GLE1: variants seen among roughly 807,000 people sequenced by gnomAD.
The protein encoded by GLE1 is GLE1 RNA export mediator.
In GLE1, 78 loss-of-function variants were observed where a neutral mutation model predicts 97.3. The observed-to-expected ratio is 0.80, with a 90% CI of 0.67 to 0.97. GLE1 has a LOEUF of 0.97. Among genes scored for constraint, GLE1 ranks in the 50% least tolerant of loss-of-function variants. The probability of loss-of-function intolerance (pLI) is 0.00; values close to 1 mark genes in which losing one functional copy is unlikely to be tolerated. For missense variants in GLE1, 753 were observed against 857.5 expected (o/e 0.88, Z 1.52); for synonymous variants, 302 against 313.4 (o/e 0.96, Z 0.39).
At position 128,529,709 on chromosome 9, in the gene GLE1, C is replaced by CCTCT. The variant is rs538002331; in HGVS notation, c.1312+2194_1312+2197dup. ...TTTCCTCTCTCTCTCTCCCTCTCTC[C>CCTCT]CTCTCTCTCTCTCCCCTTTGTGGGT... is the stretch of plus-strand genomic sequence containing the variant. On this transcript the variant is annotated intron_variant, in intron 9 of 15. Transcript: ENST00000309971. Among the ~76,000 whole-genome samples, 1,337 of 151,144 alleles carry CCTCT rather than the reference C, an allele frequency of 8.8e-3. 14 individuals carry two copies. The highest frequency in any genetic ancestry group is 0.038 in the South Asian group (183 of 4,766).
Position 128,515,590 on chromosome 9 carries a change from T to C in GLE1, c.383T>C (p.Val128Ala). ...CTTCAGTCCTCACGGGGGATCAAAG[T>C]GGAAGGCTGCGTCCGAATGTACGAA... ...MVLQSSRGIK[V>A]EGCVRMYELV... The change falls in exon 3 of 16, where the codon GTG becomes GCG. Residue 128 changes from valine (V) to alanine (A), a missense_variant. Transcript: ENST00000309971. 2 of 1,609,600 alleles carry C rather than the reference T, an allele frequency of 1.2e-6. No homozygotes were observed. Among genetic ancestry groups the C allele is most frequent in the Non-Finnish European group, 1.7e-6 (2 of 1,175,874 alleles).
intron 13 of GLE1, among the ~76,000 whole-genome samples, chr9:128,538,898 A>C (rs1389281289): frequency 6.6e-6 from 1 of 152,188 alleles, no homozygotes; most frequent in African/African-American, 2.4e-5. Flanking sequence ...CTTGGGGTAC[A>C]TGCCATAACA....
rs1362418042 is a variant in GLE1 at position 128,525,304 on chromosome 9, G to T, written c.1010G>T (p.Arg337Met). Reference sequence around the variant, plus strand: ...ATCACCAGAGCCTGCGAAGACAAGAGGAGGCAGGATGAAGAAGAGGCCCAG... The same window carrying T: ...ATCACCAGAGCCTGCGAAGACAAGATGAGGCAGGATGAAGAAGAGGCCCAG... The part of the protein sequence containing the change: ...QEITRACEDK[R>M]RQDEEEAQVK... Residue 337 changes from arginine to methionine, a missense_variant, in exon 7 of 16, where the codon AGG (arginine) becomes ATG (methionine). Transcript: ENST00000309971. 4 of 1,614,098 alleles carry T rather than the reference G, an allele frequency of 2.5e-6. No individual in the cohort carries two copies. In the South Asian group the frequency reaches 4.4e-5, roughly 18 times the overall value.
intron 9 of GLE1, among the ~76,000 whole-genome samples, chr9:128,529,642 GC>G (rs1343230891): frequency 6.6e-6 from 1 of 151,872 alleles, no homozygotes; most frequent in Non-Finnish European, 1.5e-5. Flanking sequence ...CCTCCATGGT[GC>G]CATTACTTTC....
At chr9:128,514,552 C>T (rs1354133943) in intron 2 of GLE1, among the ~76,000 whole-genome samples, 1 of 151,418 alleles carries the variant, frequency 6.6e-6, no homozygotes, top group Non-Finnish European at 1.5e-5. Flanking sequence ...ACGCCATTCT[C>T]CCGCCTCAGC....
At chr9:128,530,506 CTT>C (rs1224795610) in intron 9 of GLE1, among the ~76,000 whole-genome samples, 2 of 152,182 alleles carry the variant, frequency 1.3e-5, no homozygotes, top group African/African-American at 4.8e-5. Context: ...TCCATCAAGA[CTT>C]TAAGTCCTTT....
In GLE1 at chr9:128,512,895, C is replaced by A. The variant is rs948874082; in HGVS notation, c.322-2634C>A. Among the ~76,000 whole-genome samples the A allele has an allele frequency of 2.6e-5, 4 of 152,222 alleles. No homozygotes were observed. In the South Asian group the frequency reaches 6.2e-4, roughly 24 times the overall value. On this transcript the variant is annotated intron_variant, in intron 2 of 15. Transcript: ENST00000309971. Reference sequence around the variant, plus strand: ...GCTAGGTGACCTCAGGTGATCCACCCGCCTTGGCCTCCCAACATGCTGGGA... The same window carrying A: ...GCTAGGTGACCTCAGGTGATCCACCAGCCTTGGCCTCCCAACATGCTGGGA...
intron 12 of GLE1, among the ~76,000 whole-genome samples, chr9:128,537,699 A>T (rs1847760065): frequency 6.6e-6 from 1 of 152,148 alleles, no homozygotes; most frequent in Non-Finnish European, 1.5e-5. Flanking sequence ...AGTCCCAGCT[A>T]CTTGGGAGAC....
At position 128,527,275 on chromosome 9, in the gene GLE1, A is replaced by C; in HGVS notation, c.1226A>C (p.Asn409Thr). 1 of 1,590,314 alleles carries C rather than the reference A, an allele frequency of 6.3e-7. No homozygotes were observed. The highest frequency in any genetic ancestry group is 8.6e-7 in the Non-Finnish European group (1 of 1,158,238). The change falls in exon 8 of 16, where the codon AAC becomes ACC. Residue 409 changes from asparagine (N) to threonine (T), a missense_variant. Transcript: ENST00000309971. ...QCVLTFEGLTNSKDSQAKKIK... is the reference protein window; with the variant it reads ...QCVLTFEGLTTSKDSQAKKIK... The stretch of plus-strand genomic sequence containing the variant: ...GTGTTGACCTTTGAGGGCCTGACCA[A>C]CAGCAAGGACAGTCAGGTAGGGGAG...
Position 128,527,355 on chromosome 9 carries a change from G to C in GLE1, c.1242+64G>C, listed in dbSNP as rs1415429807. 9.4e-6 allele frequency: 12 copies of C among 1,270,874 alleles called. No individual in the cohort carries two copies. The Admixed American group carries it at 1.9e-4, about 20-fold the overall frequency. 78.7% of individuals were successfully genotyped at this position (1,270,874 alleles called of 1,614,324 possible). A position where few individuals can be genotyped will look rare whatever the true frequency, so the allele number is the denominator to read the frequency against. ...ATGGTTCTCAGAGAATGATCACTTC[G>C]TGTCCCAAAGGAATGTAGCTGGCAT... On this transcript the variant is annotated intron_variant, in intron 8 of 15. Coordinates refer to ENST00000309971, the MANE Select transcript of GLE1 (RefSeq NM_001003722.2).
chr9:128,533,585 GCT>G lies in GLE1; in HGVS notation c.1388_1389del (p.Ser463CysfsTer6), dbSNP rs1847595077. ...GGAAAACCTGTTCAATCTGGTGGGCGCTCTGTGTCTGTCACACTTAACCCACA... is the reference window on the plus strand; with the variant it reads ...GGAAAACCTGTTCAATCTGGTGGGCGCTGTGTCTGTCACACTTAACCCACA... On this transcript the variant is annotated frameshift_variant, in exon 10 of 16. Transcript: ENST00000309971. LOFTEE classifies it high-confidence loss of function. The G allele has an allele frequency of 1.2e-6, 2 of 1,613,360 alleles. No homozygotes were observed. Among genetic ancestry groups the G allele is most frequent in the South Asian group, 1.1e-5 (1 of 91,074 alleles).
chr9:128,541,134 C>T lies in GLE1; in HGVS notation c.2061C>T (p.Pro687=), dbSNP rs1270081739. ...TGCAACACAAGGACATTCCTGTCCC[C>T]AAGGGCTTTCTGACTTCCTCCTTCT... ...KCLQHKDIPV[P]KGFLTSSFWR... Residue 687 remains proline, a synonymous_variant, in exon 16 of 16, where the codon CCC becomes CCT. Transcript: ENST00000309971. 2 of 1,594,450 alleles carry T rather than the reference C, an allele frequency of 1.3e-6. No homozygotes were observed. The highest frequency in any genetic ancestry group is 1.7e-6 in the Non-Finnish European group (2 of 1,162,056).
At chr9:128,532,199 A>T (rs1224486315) in intron 9 of GLE1, among the ~76,000 whole-genome samples, 1 of 140,038 alleles carries the variant, frequency 7.1e-6, no homozygotes, top group Admixed American at 7.6e-5. Flanking sequence ...AGTAATTCAG[A>T]TCTGCTTTGC....
chr9:128,504,751 C>A lies in GLE1; in HGVS notation c.-55C>A. ...TGTGTGGCCTTCCCGGCGGCTGATT[C>A]GAGGGCTTGTTTGGTCAGAAGGGGG... is the stretch of plus-strand genomic sequence containing the variant. On this transcript the variant is annotated 5_prime_UTR_variant, in exon 1 of 16. Transcript: ENST00000309971. The A allele has an allele frequency of 2.4e-6, 3 of 1,226,384 alleles. No individual in the cohort carries two copies. The highest frequency in any genetic ancestry group is 3.6e-6 in the Non-Finnish European group (3 of 829,604). The allele number at this position is 1,226,384 out of a possible 1,614,324, so 76.0% of individuals were successfully genotyped here. A position where few individuals can be genotyped will look rare whatever the true frequency, so the allele number is the denominator to read the frequency against.
rs1847833963 is a variant in GLE1 at position 128,539,804 on chromosome 9, C to T, written c.1964+106C>T. 21 of 1,590,832 alleles carry T rather than the reference C, an allele frequency of 1.3e-5. No individual in the cohort carries two copies. The South Asian group carries it at 2.1e-4, about 16-fold the overall frequency. ...CTGGTTTTGATTCAAGTTAAAAACA[C>T]CTGTACTAAGTATGACATCTTTCCT... On this transcript the variant is annotated intron_variant, in intron 14 of 15. Coordinates refer to ENST00000309971, the MANE Select transcript of GLE1 (RefSeq NM_001003722.2).
intron 9 of GLE1, among the ~76,000 whole-genome samples, chr9:128,531,831 CA>C (rs1206684667): frequency 0.013 from 695 of 51,868 alleles, 12 homozygotes; most frequent in African/African-American, 0.034. Context: ...GACTCCAGCT[CA>C]AAAAAAAAAA....
chr9:128,524,717 C>T (rs537875692), intron 6 of GLE1, among the ~76,000 whole-genome samples: 126 of 151,430 alleles, frequency 8.3e-4, no homozygotes, highest in African/African-American at 3.0e-3. Context: ...CATGGTGAAA[C>T]CCAGTCTCTA....
chr9:128,528,133 T>C (rs986778216), intron 9 of GLE1, among the ~76,000 whole-genome samples: 1 of 147,396 alleles, frequency 6.8e-6, no homozygotes, highest in East Asian at 2.1e-4. Context: ...GCCTTCTGAG[T>C]AGCTGGGACT....
intron 2 of GLE1, 27 bp from the exon 3 acceptor site, chr9:128,515,502 T>C: frequency 8.0e-7 from 1 of 1,251,972 alleles, no homozygotes; most frequent in South Asian, 1.2e-5. Context: ...TATTTTTTAA[T>C]TATTTTTCCA....
Sources: allele counts gnomAD v4.1 joint callset (sites outside exome capture counted in the v4.1 genomes callset), GRCh38; gene constraint gnomAD v4.1.1; transcripts MANE v1.5; gene names NCBI Gene and HGNC (gene_info 2026-07-23, HGNC 2026-07-21).